SRGAP1: variants seen among roughly 807,000 people sequenced by gnomAD.
SRGAP1 encodes the protein SLIT-ROBO Rho GTPase activating protein 1.
SRGAP1 carries 43 observed loss-of-function variants against 121.9 expected under a neutral mutation model. The observed-to-expected ratio is 0.35, with a 90% CI of 0.28 to 0.46. The LOEUF is 0.46. SRGAP1 is among the 20% of genes least tolerant of loss of function. The pLI is 1.00. For synonymous variants in SRGAP1, 447 were observed against 485.4 expected (o/e 0.92, Z 1.04); for missense variants, 1,102 against 1,350.9 (o/e 0.82, Z 2.89).
In SRGAP1 at chr12:63,844,761, G is replaced by A. The variant is rs1442850874; in HGVS notation, c.-56G>A. On this transcript the variant is annotated 5_prime_UTR_variant, in exon 1 of 22. Transcript: ENST00000355086. The surrounding 1 kb of genome is among the most constrained non-coding windows in gnomAD (Gnocchi z 4.3). The stretch of plus-strand genomic sequence containing the variant: ...AACTCTGCCTCTCCAAGGAGAACGG[G>A]TTGTGACCACTGAACAAAACTTGCC... The A allele has an allele frequency of 6.4e-7, 1 of 1,570,184 alleles. No individual in the cohort carries two copies. Among genetic ancestry groups the A allele is most frequent in the African/African-American group, 1.4e-5 (1 of 73,980 alleles).
At chr12:63,873,359 C>T (rs1177969320) in intron 1 of SRGAP1, among the ~76,000 whole-genome samples, 1 of 151,786 alleles carries the variant, frequency 6.6e-6, no homozygotes, top group South Asian at 2.1e-4. Context: ...GGTGAAATCT[C>T]GTGTCTACTA....
chr12:64,042,930 A>G lies in SRGAP1; in HGVS notation c.630A>G (p.Gln210=), dbSNP rs1230296864. The G allele has an allele frequency of 2.5e-6, 4 of 1,613,816 alleles. No individual in the cohort carries two copies. In the African/African-American group the frequency reaches 5.3e-5, roughly 22 times the overall value. The part of the protein sequence containing the change: ...VFHIRLEERH[Q]RRSSVKKIEK... ...ATATTCGACTAGAGGAGAGACATCA[A>G]CGGCGAAGCTCTGTAAAGAAAATTG... Residue 210 remains glutamine, a synonymous_variant, in exon 5 of 22, where the codon CAA becomes CAG. Coordinates refer to ENST00000355086, the MANE Select transcript of SRGAP1 (RefSeq NM_020762.4).
intron 1 of SRGAP1, among the ~76,000 whole-genome samples, chr12:63,877,865 C>A (rs1318101374): frequency 6.6e-6 from 1 of 152,186 alleles, no homozygotes; most frequent in Non-Finnish European, 1.5e-5. Flanking sequence ...TTACTGAAAT[C>A]CTCACAAATA....
At chr12:64,018,992 G>A (rs1427341528) in intron 4 of SRGAP1, among the ~76,000 whole-genome samples, 1 of 152,100 alleles carries the variant, frequency 6.6e-6, no homozygotes, top group Non-Finnish European at 1.5e-5. Flanking sequence ...AGGTTCCTTT[G>A]CTTAGACATT....
intron 19 of SRGAP1, among the ~76,000 whole-genome samples, chr12:64,127,047 G>C (rs2036700265): frequency 6.6e-6 from 1 of 152,150 alleles, no homozygotes; most frequent in Admixed American, 6.5e-5. Context: ...GTAGCATTCA[G>C]TACAGTAACA....
At chr12:63,964,050 G>A (rs920700088) in intron 1 of SRGAP1, among the ~76,000 whole-genome samples, 9 of 152,144 alleles carry the variant, frequency 5.9e-5, no homozygotes, top group African/African-American at 2.2e-4. Flanking sequence ...CCCTGGGGAA[G>A]TGAGAAAAGA....
At chr12:63,883,594 G>A (rs528443575) in intron 1 of SRGAP1, among the ~76,000 whole-genome samples, 1 of 151,974 alleles carries the variant, frequency 6.6e-6, no homozygotes, top group South Asian at 2.1e-4. Context: ...CCCAAGACTT[G>A]TTCATCAATC....
Position 64,142,891 on chromosome 12 carries a change from G to A in SRGAP1, c.*219G>A. 1 of 609,614 alleles carries A rather than the reference G, an allele frequency of 1.6e-6. No individual in the cohort carries two copies. Among genetic ancestry groups the A allele is most frequent in the Non-Finnish European group, 2.8e-6 (1 of 361,684 alleles). The allele number at this position is 609,614 out of a possible 1,614,324, so 37.8% of individuals were successfully genotyped here. ...ATAACTGGACATATGTCATTTTAAGGACAATAGAAACACTTAGACTTACTT... is the reference window on the plus strand; with the variant it reads ...ATAACTGGACATATGTCATTTTAAGAACAATAGAAACACTTAGACTTACTT... On this transcript the variant is annotated 3_prime_UTR_variant, in exon 22 of 22. Coordinates refer to ENST00000355086, the MANE Select transcript of SRGAP1 (RefSeq NM_020762.4).
intron 4 of SRGAP1, among the ~76,000 whole-genome samples, chr12:64,021,618 A>G (rs1028959577): frequency 2.0e-5 from 3 of 152,184 alleles, no homozygotes; most frequent in Non-Finnish European, 4.4e-5. Flanking sequence ...TTTTATCTCT[A>G]TCGCCATAGT....
intron 1 of SRGAP1, among the ~76,000 whole-genome samples, chr12:63,883,247 A>G (rs1467973572): frequency 1.3e-5 from 2 of 152,228 alleles, no homozygotes; most frequent in Non-Finnish European, 2.9e-5. Context: ...AAACAGCAGG[A>G]CTGTTTATAT....
At chr12:63,950,310 C>T (rs1424855601) in intron 1 of SRGAP1, among the ~76,000 whole-genome samples, 1 of 152,184 alleles carries the variant, frequency 6.6e-6, no homozygotes, top group East Asian at 1.9e-4. Flanking sequence ...ACAGTTCTTG[C>T]TCACTAGTAA....
chr12:64,135,014 T>C (rs923875872), intron 21 of SRGAP1, among the ~76,000 whole-genome samples: 2 of 152,156 alleles, frequency 1.3e-5, no homozygotes, highest in African/African-American at 4.8e-5. Context: ...AGCTGCCTCA[T>C]GGGAGGCCAT....
chr12:63,905,018 T>A (rs189053765), intron 1 of SRGAP1, among the ~76,000 whole-genome samples: 41 of 152,248 alleles, frequency 2.7e-4, no homozygotes, highest in Middle Eastern at 3.4e-3. Flanking sequence ...CAAAGGCAAA[T>A]AGTACAACCA....
At chr12:64,058,605 G>A (rs868197833) in intron 6 of SRGAP1, among the ~76,000 whole-genome samples, 10 of 151,998 alleles carry the variant, frequency 6.6e-5, no homozygotes, top group African/African-American at 2.4e-4. Flanking sequence ...TCATCCATCA[G>A]AACATTGCTT....
Position 64,042,920 on chromosome 12 carries a change from A to C in SRGAP1, c.620A>C (p.Glu207Ala). 1 of 1,613,992 alleles carries C rather than the reference A, an allele frequency of 6.2e-7. No individual in the cohort carries two copies. Among genetic ancestry groups the C allele is most frequent in the Non-Finnish European group, 8.5e-7 (1 of 1,179,914 alleles). The change falls in exon 5 of 22, where the codon GAG becomes GCG. Residue 207 changes from glutamate (E) to alanine (A), a missense_variant. Transcript: ENST00000355086. ...CCAGTCTTCCATATTCGACTAGAGG[A>C]GAGACATCAACGGCGAAGCTCTGTA... ...GDPVFHIRLE[E>A]RHQRRSSVKK...
chr12:63,905,997 T>G (rs1317323622), intron 1 of SRGAP1, among the ~76,000 whole-genome samples: 1 of 152,154 alleles, frequency 6.6e-6, no homozygotes, highest in East Asian at 1.9e-4. Context: ...GTAAAATATT[T>G]TCATTACCCC....
chr12:64,001,536 A>G (rs2033897200), intron 3 of SRGAP1, among the ~76,000 whole-genome samples: 1 of 152,198 alleles, frequency 6.6e-6, no homozygotes, highest in Non-Finnish European at 1.5e-5. Context: ...GTAACAAGTT[A>G]TCAAGTCCTA....
intron 1 of SRGAP1, among the ~76,000 whole-genome samples, chr12:63,893,152 A>G (rs1393408380): frequency 6.6e-6 from 1 of 152,198 alleles, no homozygotes; most frequent in Non-Finnish European, 1.5e-5. Context: ...CCACTCCCCA[A>G]TTAGACATTG....
chr12:64,109,078 C>T lies in SRGAP1; in HGVS notation c.1919+41C>T, dbSNP rs578158274. 8.2e-6 allele frequency: 11 copies of T among 1,344,568 alleles called. No individual in the cohort carries two copies. In the South Asian group the frequency reaches 1.5e-4, roughly 18 times the overall value. The allele number at this position is 1,344,568 out of a possible 1,614,324, so 83.3% of individuals were successfully genotyped here. On this transcript the variant is annotated intron_variant, in intron 16 of 21. Transcript: ENST00000355086. ...CTCTGACAAAAGGCCCATCTGAATTCTGTCTTTGTTCTTCGATCCTGTAAA... is the reference window on the plus strand; with the variant it reads ...CTCTGACAAAAGGCCCATCTGAATTTTGTCTTTGTTCTTCGATCCTGTAAA...
Sources: allele counts gnomAD v4.1 joint callset (sites outside exome capture counted in the v4.1 genomes callset), GRCh38; gene constraint gnomAD v4.1.1; non-coding constraint Gnocchi (gnomAD v3.1); transcripts MANE v1.5; gene names NCBI Gene and HGNC (gene_info 2026-07-23, HGNC 2026-07-21).